STXBP5L: variants seen among roughly 807,000 people sequenced by gnomAD.
The protein encoded by STXBP5L is syntaxin-binding protein 5-like.
In STXBP5L, 65 loss-of-function variants were observed where a neutral mutation model predicts 144.5. That is an observed-to-expected ratio of 0.45 (90% CI 0.37 to 0.55). The LOEUF is 0.55. Among genes scored for constraint, STXBP5L ranks in the 20% least tolerant of loss-of-function variants. STXBP5L has a pLI of 0.00. For missense variants in STXBP5L, 1,298 were observed against 1,405.5 expected (o/e 0.92, Z 1.22); for synonymous variants, 505 against 469.6 (o/e 1.08, Z -0.97).
At chr3:121,170,281 A>T (rs779060396) in intron 9 of STXBP5L, among the ~76,000 whole-genome samples, 2 of 152,206 alleles carry the variant, frequency 1.3e-5, no homozygotes, top group African/African-American at 2.4e-5. Context: ...TCACAGTAAA[A>T]AGAACTAGAG....
chr3:121,018,951 G>A (rs973304508), intron 3 of STXBP5L, among the ~76,000 whole-genome samples: 6 of 152,214 alleles, frequency 3.9e-5, no homozygotes, highest in African/African-American at 1.4e-4. Flanking sequence ...TGCTTTCTCA[G>A]CTTAGAGGCT....
chr3:121,014,800 G>A (rs568689312), intron 3 of STXBP5L, among the ~76,000 whole-genome samples: 34 of 151,928 alleles, frequency 2.2e-4, no homozygotes, highest in Admixed American at 3.3e-4. Context: ...AATCTAAAAA[G>A]CAACTATTAG....
intron 3 of STXBP5L, among the ~76,000 whole-genome samples, chr3:121,022,518 C>A (rs760370465): frequency 6.6e-6 from 1 of 152,124 alleles, no homozygotes; most frequent in Non-Finnish European, 1.5e-5. Context: ...CAACAAAATA[C>A]TAGCTAACCG....
chr3:121,053,043 G>A (rs746751871), intron 5 of STXBP5L, among the ~76,000 whole-genome samples: 29 of 152,188 alleles, frequency 1.9e-4, no homozygotes, highest in Non-Finnish European at 2.9e-4. Flanking sequence ...TTACAGGGAC[G>A]TGAAGGACCT....
intron 5 of STXBP5L, among the ~76,000 whole-genome samples, chr3:121,099,954 A>T (rs1179885009): frequency 6.6e-6 from 1 of 152,176 alleles, no homozygotes; most frequent in East Asian, 1.9e-4. Flanking sequence ...TCCTATTCTC[A>T]TATCAGATAA....
At chr3:121,206,828 G>A (rs1238163017) in intron 10 of STXBP5L, among the ~76,000 whole-genome samples, 1 of 151,940 alleles carries the variant, frequency 6.6e-6, no homozygotes, top group South Asian at 2.1e-4. Context: ...AGAAAAAAAA[G>A]TAGCCATATC....
intron 18 of STXBP5L, among the ~76,000 whole-genome samples, chr3:121,274,065 G>C (rs2050806782): frequency 6.6e-6 from 1 of 152,056 alleles, no homozygotes; most frequent in African/African-American, 2.4e-5. Context: ...ATAACTAATA[G>C]ATCTCCATTT....
At chr3:121,318,439 C>A in intron 19 of STXBP5L, 36 bp from the exon 20 acceptor site, 1 of 1,500,886 alleles carries the variant, frequency 6.7e-7, no homozygotes, top group Non-Finnish European at 8.9e-7. Context: ...AAAATGCTAG[C>A]AAAATTTATC....
intron 3 of STXBP5L, among the ~76,000 whole-genome samples, chr3:120,994,897 G>A (rs1943217054): frequency 1.3e-5 from 2 of 151,978 alleles, no homozygotes; most frequent in African/African-American, 2.4e-5. Flanking sequence ...TGAAGCCATT[G>A]GGTCCTGGGC....
At chr3:121,169,355 T>C (rs2046619876) in intron 9 of STXBP5L, among the ~76,000 whole-genome samples, 1 of 152,156 alleles carries the variant, frequency 6.6e-6, no homozygotes, top group Non-Finnish European at 1.5e-5. Context: ...ACCTTACATA[T>C]AAACGGGCTA....
At chr3:121,059,747 G>T (rs565592805) in intron 5 of STXBP5L, among the ~76,000 whole-genome samples, 99 of 152,202 alleles carry the variant, frequency 6.5e-4, no homozygotes, top group Non-Finnish European at 1.2e-3. Flanking sequence ...ATGGTGAATG[G>T]GAATTCACTC....
intron 2 of STXBP5L, among the ~76,000 whole-genome samples, chr3:120,951,189 C>A (rs1711196992): frequency 6.6e-6 from 1 of 152,136 alleles, no homozygotes; most frequent in South Asian, 2.1e-4. Context: ...AGACCTAAAA[C>A]CATAAAAACC....
At chr3:121,036,328 C>T (rs2107529086) in intron 3 of STXBP5L, among the ~76,000 whole-genome samples, 1 of 152,086 alleles carries the variant, frequency 6.6e-6, no homozygotes, top group African/African-American at 2.4e-5. Context: ...AGTGAGACTC[C>T]ATCTTAAAAA....
chr3:120,949,969 G>C lies in STXBP5L; in HGVS notation c.190-4971G>C, dbSNP rs576287438. ...TTTTTGTTTCATTGCTTGTGTTTTTGGTGTTTTATTTAAGAAACCATTGTC... is the reference window on the plus strand; with the variant it reads ...TTTTTGTTTCATTGCTTGTGTTTTTCGTGTTTTATTTAAGAAACCATTGTC... On this transcript the variant is annotated intron_variant, in intron 2 of 26. Transcript: ENST00000471454. Among the ~76,000 whole-genome samples the C allele has an allele frequency of 7.9e-5, 12 of 151,544 alleles. No individual in the cohort carries two copies. In the South Asian group the frequency reaches 2.3e-3, roughly 29 times the overall value.
intron 5 of STXBP5L, among the ~76,000 whole-genome samples, chr3:121,097,716 T>C (rs1024454574): frequency 6.6e-6 from 1 of 152,144 alleles, no homozygotes; most frequent in African/African-American, 2.4e-5. Flanking sequence ...CCACCTTCTG[T>C]GTCGATCTCG....
intron 3 of STXBP5L, among the ~76,000 whole-genome samples, chr3:121,041,414 TAAATG>T (rs1281950895): frequency 1.3e-5 from 2 of 152,132 alleles, no homozygotes; most frequent in African/African-American, 4.8e-5. Context: ...TAAAAAATCT[TAAATG>T]AAATGAGGTG....
intron 5 of STXBP5L, 35 bp downstream of exon 5, chr3:121,045,570 A>G (rs756347916): frequency 1.3e-6 from 2 of 1,572,634 alleles, no homozygotes. Context: ...TTCTTAATGT[A>G]CAACAAAATT....
At chr3:121,329,855 G>T (rs1577472575) in intron 20 of STXBP5L, among the ~76,000 whole-genome samples, 2 of 152,186 alleles carry the variant, frequency 1.3e-5, no homozygotes, top group South Asian at 4.2e-4. Flanking sequence ...GCAAGACCCT[G>T]TTCCCCCACA....
intron 3 of STXBP5L, among the ~76,000 whole-genome samples, chr3:121,039,179 CCAA>C (rs1560040591): frequency 3.3e-5 from 5 of 151,792 alleles, no homozygotes; most frequent in Admixed American, 2.0e-4. Flanking sequence ...TTAGCTCCCC[CCAA>C]CAATATTCTG....
Sources: gnomAD v4.1 joint callset for allele counts (sites outside exome capture counted in the v4.1 genomes callset) on GRCh38, gnomAD v4.1.1 for gene constraint, MANE v1.5 for transcripts, NCBI Gene and HGNC (gene_info 2026-07-23, HGNC 2026-07-21) for gene names.